NUBPL: variants seen among roughly 807,000 people sequenced by gnomAD.
NUBPL encodes NUBP iron-sulfur cluster assembly factor, mitochondrial.
Under a neutral mutation model 45.7 loss-of-function variants are expected in NUBPL, and 31 were observed. That is an observed-to-expected ratio of 0.68 (90% CI 0.51 to 0.92). NUBPL has a LOEUF of 0.92. NUBPL is among the 40% of genes least tolerant of loss of function. The probability of loss-of-function intolerance (pLI) is 0.00; values close to 1 mark genes in which losing one functional copy is unlikely to be tolerated. For synonymous variants in NUBPL, 144 were observed against 140.9 expected (o/e 1.02, Z -0.15); for missense variants, 401 against 398.7 (o/e 1.01, Z -0.05).
chr14:31,688,658 G>GTTTTT (rs35846918), intron 6 of NUBPL, among the ~76,000 whole-genome samples: 6 of 129,464 alleles, frequency 4.6e-5, no homozygotes, highest in African/African-American at 1.6e-4. Flanking sequence ...TTTTGTTGTT[G>GTTTTT]TTTTTTTTTT....
At chr14:31,564,363 T>C (rs1384685068) in intron 2 of NUBPL, among the ~76,000 whole-genome samples, 4 of 152,098 alleles carry the variant, frequency 2.6e-5, no homozygotes, top group Admixed American at 2.6e-4. Context: ...AATTAGATAC[T>C]TGGAACTCCT....
chr14:31,646,213 G>T (rs1271469040), intron 4 of NUBPL, among the ~76,000 whole-genome samples: 2 of 151,684 alleles, frequency 1.3e-5, no homozygotes, highest in Non-Finnish European at 2.9e-5. Flanking sequence ...TTGAGACTGA[G>T]TCTTGCTCTA....
chr14:31,728,303 A>G (rs932833260), intron 6 of NUBPL, among the ~76,000 whole-genome samples: 2 of 151,820 alleles, frequency 1.3e-5, no homozygotes, highest in African/African-American at 4.8e-5. Context: ...TTGTATTATA[A>G]ATTTATTTAT....
At chr14:31,662,261 T>C (rs2036287834) in intron 4 of NUBPL, 2 of 147,344 alleles carry the variant, frequency 1.4e-5, no homozygotes, top group Admixed American at 1.3e-4. Flanking sequence ...ATTAAAATTA[T>C]TAATTTTTAA....
At chr14:31,638,579 T>C (rs1286705477) in intron 4 of NUBPL, among the ~76,000 whole-genome samples, 1 of 152,108 alleles carries the variant, frequency 6.6e-6, no homozygotes, top group South Asian at 2.1e-4. Context: ...GGAGTTGCTC[T>C]TCTCGAGGAG....
intron 4 of NUBPL, among the ~76,000 whole-genome samples, chr14:31,614,470 TACAC>T (rs756953045): frequency 6.6e-6 from 1 of 152,134 alleles, no homozygotes; most frequent in Non-Finnish European, 1.5e-5. Context: ...TATACACACA[TACAC>T]ACACATACAC....
chr14:31,594,486 A>G (rs1373043846), intron 3 of NUBPL, among the ~76,000 whole-genome samples: 1 of 151,926 alleles, frequency 6.6e-6, no homozygotes, highest in Non-Finnish European at 1.5e-5. Context: ...AGTTATAAAT[A>G]TTTTATCATT....
At chr14:31,760,729 C>T (rs10149263) in intron 6 of NUBPL, among the ~76,000 whole-genome samples, 1 of 150,350 alleles carries the variant, frequency 6.7e-6, no homozygotes, top group African/African-American at 2.5e-5. Flanking sequence ...CACACTTAGG[C>T]TGATTCTATA....
chr14:31,810,274 G>A (rs924200936), intron 7 of NUBPL, among the ~76,000 whole-genome samples: 3 of 151,964 alleles, frequency 2.0e-5, no homozygotes, highest in South Asian at 2.1e-4. Flanking sequence ...AGGTCTCTTG[G>A]GGCTTGCTTT....
chr14:31,652,283 CAGGGGTTCCAAATGGGA>C (rs1242523694), intron 4 of NUBPL, among the ~76,000 whole-genome samples: 1 of 152,034 alleles, frequency 6.6e-6, no homozygotes, highest in Admixed American at 6.6e-5. Flanking sequence ...TGGTGGTTAC[CAGGGGTTCCAAATGGGA>C]GAATGGGGAG....
intron 10 of NUBPL, among the ~76,000 whole-genome samples, chr14:31,855,908 A>C (rs968162216): frequency 1.3e-5 from 2 of 152,156 alleles, no homozygotes; most frequent in African/African-American, 2.4e-5. Flanking sequence ...CTTATCTGTA[A>C]AGTCGGGATA....
At chr14:31,621,521 A>G (rs2035061701) in intron 4 of NUBPL, among the ~76,000 whole-genome samples, 1 of 152,016 alleles carries the variant, frequency 6.6e-6, no homozygotes, top group South Asian at 2.1e-4. Flanking sequence ...GTCTCTCACC[A>G]CTTCCCTTGG....
At chr14:31,760,737 A>G (rs1279707798) in intron 6 of NUBPL, among the ~76,000 whole-genome samples, 6 of 143,982 alleles carry the variant, frequency 4.2e-5, no homozygotes, top group African/African-American at 1.3e-4. Context: ...GGCTGATTCT[A>G]TATCTTGGTT....
chr14:31,758,771 A>G (rs2038731742), intron 6 of NUBPL, among the ~76,000 whole-genome samples: 1 of 152,242 alleles, frequency 6.6e-6, no homozygotes, highest in South Asian at 2.1e-4. Context: ...CATTCAAAAT[A>G]ACTACTGAGG....
intron 6 of NUBPL, among the ~76,000 whole-genome samples, chr14:31,763,229 T>C (rs1042763127): frequency 6.6e-6 from 1 of 152,174 alleles, no homozygotes; most frequent in Non-Finnish European, 1.5e-5. Flanking sequence ...GGAAGGTCTC[T>C]TTTGATTGCC....
At chr14:31,833,708 G>C (rs2040229287) in intron 8 of NUBPL, among the ~76,000 whole-genome samples, 1 of 152,240 alleles carries the variant, frequency 6.6e-6, no homozygotes. Flanking sequence ...ATCTTCAATT[G>C]TGACTTCTAA....
intron 4 of NUBPL, among the ~76,000 whole-genome samples, chr14:31,626,168 TA>T (rs1301988444): frequency 6.6e-6 from 1 of 152,084 alleles, no homozygotes; most frequent in East Asian, 1.9e-4. Flanking sequence ...TATTTTATTT[TA>T]TTTTTTTATT....
At chr14:31,659,894 A>G (rs1162272097) in intron 4 of NUBPL, among the ~76,000 whole-genome samples, 1 of 152,160 alleles carries the variant, frequency 6.6e-6, no homozygotes, top group African/African-American at 2.4e-5. Flanking sequence ...TTAAAACTGA[A>G]AAATAGATTG....
At chr14:31,675,449 T>A (rs1455119649) in intron 6 of NUBPL, among the ~76,000 whole-genome samples, 1 of 152,236 alleles carries the variant, frequency 6.6e-6, no homozygotes, top group Non-Finnish European at 1.5e-5. Flanking sequence ...AAATTTAACA[T>A]CCTTAATGAA....
Sources: gnomAD v4.1 joint callset for allele counts (sites outside exome capture counted in the v4.1 genomes callset) on GRCh38, gnomAD v4.1.1 for gene constraint, MANE v1.5 for transcripts, NCBI Gene and HGNC (gene_info 2026-07-23, HGNC 2026-07-21) for gene names.